The following DNHD1 variants were observed in gnomAD, a reference collection of about 807,000 sequenced individuals.
The protein encoded by DNHD1 is dynein heavy chain domain-containing protein 1.
Under a neutral mutation model 458.1 loss-of-function variants are expected in DNHD1, and 383 were observed. The ratio of observed to expected loss-of-function variants is 0.84; its 90% CI spans 0.77 to 0.91. The LOEUF (loss-of-function observed/expected upper bound fraction) is 0.91, where lower values mean the gene tolerates loss of function less well. DNHD1 is among the 40% of genes least tolerant of loss of function. The probability of loss-of-function intolerance (pLI) is 0.00; values close to 1 mark genes in which losing one functional copy is unlikely to be tolerated. For missense variants in DNHD1, 5,336 were observed against 5,866.1 expected (o/e 0.91, Z 2.95); for synonymous variants, 2,203 against 2,376.9 (o/e 0.93, Z 2.13).
At chr11:6,550,339 T>G (rs1853314471) in intron 24 of DNHD1, among the ~76,000 whole-genome samples, 1 of 152,172 alleles carries the variant, frequency 6.6e-6, no homozygotes, top group Non-Finnish European at 1.5e-5. Context: ...TGCAATGAAT[T>G]TGCACAAAAT....
At chr11:6,502,048 T>G (rs980946596) in intron 3 of DNHD1, among the ~76,000 whole-genome samples, 17 of 152,184 alleles carry the variant, frequency 1.1e-4, no homozygotes, top group Admixed American at 1.0e-3. Flanking sequence ...ATTCCAGAGT[T>G]TTTTTTGTGT....
Position 6,546,175 on chromosome 11 carries a change from C to G in DNHD1, c.5236C>G (p.Pro1746Ala), listed in dbSNP as rs1853212868. 1 of 1,551,038 alleles carries G rather than the reference C, an allele frequency of 6.4e-7. No homozygotes were observed. The highest frequency in any genetic ancestry group is 2.0e-5 in the Admixed American group (1 of 50,960). ...GTTGGAGAAAGTTCATCAGCTGCCCCCTGGCTTGCTCTCTGCCCTGGGCCA... is the reference window on the plus strand; with the variant it reads ...GTTGGAGAAAGTTCATCAGCTGCCCGCTGGCTTGCTCTCTGCCCTGGGCCA... The part of the protein sequence containing the change: ...LLLEKVHQLP[P>A]GLLSALGQRL... Residue 1746 changes from proline to alanine, a missense_variant, in exon 21 of 43, where the codon CCT becomes GCT. This residue lies in a region of DNHD1 where 3,932 missense variants were observed against 4,365.6 expected (regional missense o/e 0.90). Coordinates refer to ENST00000254579, the MANE Select transcript of DNHD1 (RefSeq NM_144666.3).
Position 6,509,192 on chromosome 11 carries a change from G to T in DNHD1, c.1155G>T (p.Leu385=), listed in dbSNP as rs1445343874. 6.2e-7 allele frequency: 1 copy of T among 1,614,250 alleles called. No individual in the cohort carries two copies. Among genetic ancestry groups the T allele is most frequent in the South Asian group, 1.1e-5 (1 of 91,082 alleles). ...CWKKNVRLQG[L]HRLQKFLENH... ...AGAAGAATGTGAGATTACAGGGGCT[G>T]CATCGACTCCAGAAATTCCTAGAGA... The change falls in exon 6 of 43, where the codon CTG becomes CTT. Residue 385 remains leucine (L), a synonymous_variant. Transcript: ENST00000254579.
Position 6,547,296 on chromosome 11 carries a change from C to T in DNHD1, c.6357C>T (p.Pro2119=). 7 of 1,551,822 alleles carry T rather than the reference C, an allele frequency of 4.5e-6. No individual in the cohort carries two copies. The highest frequency in any genetic ancestry group is 6.1e-6 in the Non-Finnish European group (7 of 1,147,002). Residue 2119 remains proline, a synonymous_variant, in exon 21 of 43, where the codon CCC becomes CCT. Coordinates refer to ENST00000254579, the MANE Select transcript of DNHD1 (RefSeq NM_144666.3). ...CCAGTGGACAGCAGATAGCACGACC[C>T]CCAGGCACCTTTCTCTTGATGGAGG... ...SLPSGQQIAR[P]PGTFLLMEVA...
Position 6,558,958 on chromosome 11 carries a change from G to C in DNHD1, c.9268G>C (p.Ala3090Pro). 1.9e-6 allele frequency: 3 copies of C among 1,551,644 alleles called. No individual in the cohort carries two copies. Among genetic ancestry groups the C allele is most frequent in the Non-Finnish European group, 2.6e-6 (3 of 1,146,980 alleles). ...AATTCCCAGTGTGGCCAAAGCCATG[G>C]CTCTTATCCACCTTTCGGCCACCCA... ...ASIPSVAKAM[A>P]LIHLSATHYH... Residue 3090 changes from alanine (A) to proline (P), a missense_variant, in exon 27 of 43, where the codon GCT becomes CCT. Physicochemically the swap from Ala to Pro is conservative, Grantham distance 27. Coordinates refer to ENST00000254579, the MANE Select transcript of DNHD1 (RefSeq NM_144666.3).
intron 14 of DNHD1, among the ~76,000 whole-genome samples, chr11:6,536,568 C>G (rs1184084784): frequency 1.3e-5 from 2 of 151,956 alleles, no homozygotes. Flanking sequence ...CAACAAAAGG[C>G]AAAGATAAAC....
intron 3 of DNHD1, among the ~76,000 whole-genome samples, chr11:6,499,636 C>CAT (rs1852096561): frequency 6.7e-6 from 1 of 149,664 alleles, no homozygotes; most frequent in South Asian, 2.1e-4. Flanking sequence ...GGCATGGTCT[C>CAT]GGTTCACCGC....
chr11:6,569,069 G>A (rs944941235), intron 39 of DNHD1, among the ~76,000 whole-genome samples: 4 of 152,186 alleles, frequency 2.6e-5, no homozygotes, highest in African/African-American at 9.7e-5. Flanking sequence ...AGGTAGAGAT[G>A]GGCCTTTCTG....
intron 4 of DNHD1, among the ~76,000 whole-genome samples, chr11:6,506,906 T>G (rs1265101674): frequency 6.6e-6 from 1 of 152,208 alleles, no homozygotes; most frequent in Non-Finnish European, 1.5e-5. Context: ...CTCAGTAATA[T>G]TCGTTGAATG....
chr11:6,520,583 T>C (rs1440926425), intron 10 of DNHD1: 2 of 1,236,678 alleles, frequency 1.6e-6, no homozygotes, highest in Non-Finnish European at 2.0e-6. Flanking sequence ...TGTGAGGTTT[T>C]TCTCCAGTGC....
intron 7 of DNHD1, among the ~76,000 whole-genome samples, chr11:6,515,514 G>T (rs894123395): frequency 6.6e-6 from 1 of 152,018 alleles, no homozygotes; most frequent in Non-Finnish European, 1.5e-5. Flanking sequence ...TCTGTAATAC[G>T]ATTGGAACAT....
chr11:6,538,570 G>T (rs1488818798), intron 15 of DNHD1, 42 bp from the exon 16 acceptor site: 1 of 1,550,794 alleles, frequency 6.4e-7, no homozygotes, highest in South Asian at 1.2e-5. Context: ...TGGTGGGGGA[G>T]GGGAAGAGTC....
chr11:6,568,558 T>A lies in DNHD1; in HGVS notation c.12643T>A (p.Ser4215Thr). Residue 4215 changes from serine (S) to threonine (T), a missense_variant, in exon 38 of 43, where the codon TCT (serine) becomes ACT (threonine). Physicochemically the swap from Ser to Thr is moderately conservative, Grantham distance 58 (BLOSUM62 1). Coordinates refer to ENST00000254579, the MANE Select transcript of DNHD1 (RefSeq NM_144666.3). ...FRLWLIVPAE[S>T]SASLPAVLTQ... is the part of the protein sequence containing the mutation. ...TCTTTGGCTTATTGTGCCTGCAGAG[T>A]CTAGTGCTTCTTTGCCAGGTGAGGA... 6.2e-7 allele frequency: 1 copy of A among 1,613,844 alleles called. No homozygotes were observed. The highest frequency in any genetic ancestry group is 8.5e-7 in the Non-Finnish European group (1 of 1,179,850).
chr11:6,497,965 T>G lies in DNHD1; in HGVS notation c.-251T>G. On this transcript the variant is annotated 5_prime_UTR_variant, in exon 3 of 43. Coordinates refer to ENST00000254579, the MANE Select transcript of DNHD1 (RefSeq NM_144666.3). Reference sequence around the variant, plus strand: ...GGAAGCAGTAGGGAGGGCCTGAGGGTCTCAGGAAAGGCTCTCTGCTGGTCT... The same window carrying G: ...GGAAGCAGTAGGGAGGGCCTGAGGGGCTCAGGAAAGGCTCTCTGCTGGTCT... The G allele has an allele frequency of 1.8e-6, 1 of 545,520 alleles. No individual in the cohort carries two copies. The highest frequency in any genetic ancestry group is 3.3e-6 in the Non-Finnish European group (1 of 305,146). 33.8% of individuals were successfully genotyped at this position (545,520 alleles called of 1,614,324 possible).
intron 7 of DNHD1, among the ~76,000 whole-genome samples, chr11:6,514,145 C>T (rs1250873726): frequency 6.6e-6 from 1 of 152,130 alleles, no homozygotes; most frequent in Non-Finnish European, 1.5e-5. Context: ...GCTGTGTCTC[C>T]CAGGCTGGAG....
In DNHD1 at chr11:6,558,103, G is replaced by C; in HGVS notation, c.8808G>C (p.Met2936Ile). 6.4e-7 allele frequency: 1 copy of C among 1,551,712 alleles called. No homozygotes were observed. Among genetic ancestry groups the C allele is most frequent in the Non-Finnish European group, 8.7e-7 (1 of 1,146,998 alleles). ...GAGATGCCAGCTGGCATGCTGGCAT[G>C]TTAAGCCAGCCAGTGGCTCTGTTGG... ...CLRDASWHAG[M>I]LSQPVALLVP... Residue 2936 changes from methionine to isoleucine, a missense_variant, in exon 25 of 43, where the codon ATG becomes ATC. Physicochemically the swap from Met to Ile is conservative, Grantham distance 10. Transcript: ENST00000254579.
chr11:6,542,915 C>T (rs1176960671), intron 18 of DNHD1, among the ~76,000 whole-genome samples: 2 of 152,184 alleles, frequency 1.3e-5, no homozygotes, highest in Admixed American at 6.5e-5. Flanking sequence ...CGTGCTACCT[C>T]GTCATAATCT....
rs545721460 is a variant in DNHD1 at position 6,545,635 on chromosome 11, C to T, written c.4696C>T (p.Arg1566Cys). 5.9e-5 allele frequency: 92 copies of T among 1,551,808 alleles called. No homozygotes were observed. In the African/African-American group the frequency reaches 7.8e-4, roughly 13 times the overall value. Residue 1566 changes from arginine (R) to cysteine (C), a missense_variant, in exon 21 of 43, where the codon CGC becomes TGC. Physicochemically the swap from Arg to Cys is radical, Grantham distance 180 (BLOSUM62 -3). Around this residue, in one of 4 missense-constraint regions of DNHD1, gnomAD observed 3,932 missense variants for 4,365.6 expected, o/e 0.90. Coordinates refer to ENST00000254579, the MANE Select transcript of DNHD1 (RefSeq NM_144666.3). This position sits in a 1 kb window ranked among gnomAD's most constrained non-coding sequence, Gnocchi z 4.9. ...AGGTGGGCAGTCCCTGCCTTCTGTC[C>T]GCCAGACCAGCCTTCTCAGTGCCCT... The part of the protein sequence containing the change: ...SQGGQSLPSV[R>C]QTSLLSALLV...
At position 6,502,932 on chromosome 11, in the gene DNHD1, A is replaced by G; in HGVS notation, c.920+6A>G. Reference sequence around the variant, plus strand: ...GCTCCCAGCCGGTACTTTAGGTGATAGCCTATGTCCAGGCCCCTTCTCCTC... The same window carrying G: ...GCTCCCAGCCGGTACTTTAGGTGATGGCCTATGTCCAGGCCCCTTCTCCTC... On this transcript the variant is annotated splice_donor_region_variant and intron_variant, in intron 4 of 42. Coordinates refer to ENST00000254579, the MANE Select transcript of DNHD1 (RefSeq NM_144666.3). 6.2e-7 allele frequency: 1 copy of G among 1,613,192 alleles called. No homozygotes were observed. The highest frequency in any genetic ancestry group is 8.5e-7 in the Non-Finnish European group (1 of 1,179,670).
Sources: allele counts gnomAD v4.1 joint callset (sites outside exome capture counted in the v4.1 genomes callset), GRCh38; gene constraint gnomAD v4.1.1; regional missense constraint gnomAD v4.1.1; non-coding constraint Gnocchi (gnomAD v3.1); transcripts MANE v1.5; gene names NCBI Gene and HGNC (gene_info 2026-07-23, HGNC 2026-07-21).